The following LIPE variants were observed in gnomAD, a reference collection of about 807,000 sequenced individuals.
The protein encoded by LIPE is lipase E, hormone sensitive type.
In LIPE, 66 loss-of-function variants were observed where a neutral mutation model predicts 88.5. That is an observed-to-expected ratio of 0.75 (90% CI 0.61 to 0.91). LIPE has a LOEUF of 0.91. Ranked by LOEUF, LIPE falls within the 40% of genes least tolerant of loss-of-function variation. The pLI, the probability that LIPE is intolerant of heterozygous loss-of-function variation, is 0.00. For synonymous variants in LIPE, 570 were observed against 617.5 expected (o/e 0.92, Z 1.14); for missense variants, 1,346 against 1,434.7 (o/e 0.94, Z 1.00).
At chr19:42,418,045 C>G (rs988530090) in intron 1 of LIPE, among the ~76,000 whole-genome samples, 2 of 150,946 alleles carry the variant, frequency 1.3e-5, no homozygotes, top group Non-Finnish European at 1.5e-5. Flanking sequence ...TGCAATGGTG[C>G]GATCTCAGCT....
At position 42,412,199 on chromosome 19, in the gene LIPE, G is replaced by A. The variant is rs949739458; in HGVS notation, c.884-1357C>T. On this transcript the variant is annotated intron_variant, in intron 1 of 9. Transcript: ENST00000244289. ...GTTTCTTGGATGCCCTGTCACCCAG[G>A]TCCTGAACAAGCTGCCCTTGGTGGA... 25 of 884,956 alleles carry A rather than the reference G, an allele frequency of 2.8e-5. No homozygotes were observed. In the African/African-American group the frequency reaches 4.0e-4, roughly 14 times the overall value. 54.8% of individuals were successfully genotyped at this position (884,956 alleles called of 1,614,324 possible).
At chr19:42,421,263 G>C (rs553276271) in intron 1 of LIPE, among the ~76,000 whole-genome samples, 3 of 152,140 alleles carry the variant, frequency 2.0e-5, no homozygotes, top group East Asian at 3.9e-4. Context: ...CCCTGGCTGA[G>C]CTCCCTCTGC....
chr19:42,419,179 G>A (rs1311638761), intron 1 of LIPE, among the ~76,000 whole-genome samples: 2 of 152,236 alleles, frequency 1.3e-5, no homozygotes, highest in Non-Finnish European at 2.9e-5. Context: ...TCGGGAGGCT[G>A]AGGCAGGAGA....
rs2040211254 is a variant in LIPE, at chr19:42,407,147, A to C, written c.2137+27T>G. The stretch of plus-strand genomic sequence containing the variant: ...AGCTGGGTGGGATGGGAGCAGGCGC[A>C]GGTGGCTGTGGGGGCCTGAGGCTCA... On this transcript the variant is annotated intron_variant, in intron 6 of 9. Transcript: ENST00000244289. This position sits in a 1 kb window ranked among gnomAD's most constrained non-coding sequence, Gnocchi z 5.8. 2 of 1,470,694 alleles carry C rather than the reference A, an allele frequency of 1.4e-6. No homozygotes were observed. The highest frequency in any genetic ancestry group is 2.8e-5 in the African/African-American group (2 of 70,940). 91.1% of individuals were successfully genotyped at this position (1,470,694 alleles called of 1,614,324 possible). A position where few individuals can be genotyped will look rare whatever the true frequency, so the allele number is the denominator to read the frequency against.
chr19:42,407,316 G>C lies in LIPE; in HGVS notation c.1995C>G (p.Pro665=), dbSNP rs2040217568. ...FVAQTSRSHE[P]YLKSWAQELG... ...GCTCCTGGGCCCAGCTCTTGAGGTA[G>C]GGCTCGTGGGATCTGGAGGTCTGGG... Residue 665 remains proline, a synonymous_variant, in exon 6 of 10, where the codon CCC becomes CCG. Transcript: ENST00000244289. The surrounding 1 kb of genome is among the most constrained non-coding windows in gnomAD (Gnocchi z 5.8). The C allele has an allele frequency of 1.2e-6, 2 of 1,611,934 alleles. No individual in the cohort carries two copies.
In LIPE at chr19:42,410,519, A is replaced by G. The variant is rs774367599; in HGVS notation, c.1207T>C (p.Phe403Leu). Residue 403 changes from phenylalanine (F) to leucine (L), a missense_variant, in exon 2 of 10, where the codon TTC becomes CTC. Physicochemically the swap from Phe to Leu is conservative, Grantham distance 22 (BLOSUM62 0). Coordinates refer to ENST00000244289, the MANE Select transcript of LIPE (RefSeq NM_005357.4). The surrounding 1 kb of genome is among the most constrained non-coding windows in gnomAD (Gnocchi z 6.1). Reference sequence around the variant, plus strand: ...TCGGCCAGGTTGTGGCTGGTGCGGAAGAAGATGCTGCGGCGGTTGGAGGCC... The same window carrying G: ...TCGGCCAGGTTGTGGCTGGTGCGGAGGAAGATGCTGCGGCGGTTGGAGGCC... ...YVASNRRSIF[F>L]RTSHNLAELE... is the part of the protein sequence containing the mutation. The G allele has an allele frequency of 3.5e-5, 57 of 1,612,996 alleles. No individual in the cohort carries two copies. The highest frequency in any genetic ancestry group is 4.6e-5 in the Non-Finnish European group (54 of 1,179,966).
chr19:42,402,117 C>T, intron 9 of LIPE, 42 bp from the exon 10 acceptor site: 5 of 1,426,964 alleles, frequency 3.5e-6, no homozygotes, highest in Non-Finnish European at 4.6e-6. Context: ...GGGTGGGGGA[C>T]AGACAGACCG....
At chr19:42,411,199 G>T in intron 1 of LIPE, 2 of 583,214 alleles carry the variant, frequency 3.4e-6, no homozygotes, top group Non-Finnish European at 4.3e-6. Flanking sequence ...TCAGAAACTT[G>T]CTGCCCTGGC....
chr19:42,402,250 G>A (rs1176674763), intron 9 of LIPE, among the ~76,000 whole-genome samples, 175 bp from the exon 10 acceptor site: 1 of 151,964 alleles, frequency 6.6e-6, no homozygotes, highest in Non-Finnish European at 1.5e-5. Flanking sequence ...GAGGGAATGG[G>A]GGGAGTTGTG....
chr19:42,426,175 A>C (rs1363646222), intron 1 of LIPE, 92 bp downstream of exon 1: 2 of 1,147,186 alleles, frequency 1.7e-6, no homozygotes, highest in African/African-American at 3.2e-5. Flanking sequence ...GGATGACCAG[A>C]GCTAACCTGA....
chr19:42,401,847 C>CG lies in LIPE; in HGVS notation c.3195_3196insC (p.Ala1066ArgfsTer25). On this transcript the variant is annotated frameshift_variant, in exon 10 of 10. Coordinates refer to ENST00000244289, the MANE Select transcript of LIPE (RefSeq NM_005357.4). LOFTEE classifies it high-confidence loss of function. ...CCCCCGCAGCCCCCGTCTACCCCCG[C>CG]AGCCCCCGTCTCCCCGCTCGGCCCG... The CG allele has an allele frequency of 6.6e-7, 1 of 1,517,952 alleles. No individual in the cohort carries two copies. The highest frequency in any genetic ancestry group is 8.8e-7 in the Non-Finnish European group (1 of 1,136,708). The allele number at this position is 1,517,952 out of a possible 1,614,324, so 94.0% of individuals were successfully genotyped here. A position where few individuals can be genotyped will look rare whatever the true frequency, so the allele number is the denominator to read the frequency against.
intron 1 of LIPE, among the ~76,000 whole-genome samples, chr19:42,421,814 C>T (rs1467818265): frequency 1.3e-5 from 2 of 152,202 alleles, no homozygotes; most frequent in African/African-American, 2.4e-5. Context: ...CCAGCCAGCC[C>T]AGATGCCCTT....
rs966404729 is a variant in LIPE at position 42,424,518 on chromosome 19, C to T, written c.883+1749G>A. Reference sequence around the variant, plus strand: ...TATCCTCAGCACTGGGGAGAGCAGGCCTCAATCCCTGCCTTTGCCTGCCGC... The same window carrying T: ...TATCCTCAGCACTGGGGAGAGCAGGTCTCAATCCCTGCCTTTGCCTGCCGC... On this transcript the variant is annotated intron_variant, in intron 1 of 9. Coordinates refer to ENST00000244289, the MANE Select transcript of LIPE (RefSeq NM_005357.4). 1.1e-5 allele frequency: 5 copies of T among 456,340 alleles called. No individual in the cohort carries two copies. In the Middle Eastern group the frequency reaches 1.6e-3, roughly 148 times the overall value. The allele number at this position is 456,340 out of a possible 1,614,324, so 28.3% of individuals were successfully genotyped here.
At chr19:42,417,686 T>G (rs1481345943) in intron 1 of LIPE, among the ~76,000 whole-genome samples, 1 of 152,116 alleles carries the variant, frequency 6.6e-6, no homozygotes, top group African/African-American at 2.4e-5. Context: ...TGCCCAGCTC[T>G]AAGTCTTATT....
intron 1 of LIPE, among the ~76,000 whole-genome samples, chr19:42,425,379 A>T (rs1277652926): frequency 6.6e-6 from 1 of 151,236 alleles, no homozygotes; most frequent in Non-Finnish European, 1.5e-5. Context: ...ATTTTCCCCA[A>T]ATCCTCTATA....
intron 1 of LIPE, chr19:42,423,546 G>A: frequency 8.0e-7 from 1 of 1,246,316 alleles, no homozygotes; most frequent in Non-Finnish European, 1.0e-6. Context: ...TCAATTCCCC[G>A]CGGTCCTCCC....
Position 42,406,479 on chromosome 19 carries a change from G to A in LIPE, c.2138-91C>T. The A allele has an allele frequency of 8.9e-7, 1 of 1,119,498 alleles. No homozygotes were observed. Among genetic ancestry groups the A allele is most frequent in the Middle Eastern group, 2.0e-4 (1 of 4,934 alleles). The allele number at this position is 1,119,498 out of a possible 1,614,324, so 69.3% of individuals were successfully genotyped here. On this transcript the variant is annotated intron_variant, in intron 6 of 9. Transcript: ENST00000244289. The surrounding 1 kb of genome is among the most constrained non-coding windows in gnomAD (Gnocchi z 5.7). Reference sequence around the variant, plus strand: ...GAGGAACTCAAGCTGGGAGAACTGGGCTCTCCAAGGTGGGGTGTGGGGCAC... The same window carrying A: ...GAGGAACTCAAGCTGGGAGAACTGGACTCTCCAAGGTGGGGTGTGGGGCAC...
chr19:42,406,096 G>A lies in LIPE; in HGVS notation c.2365+65C>T. The A allele has an allele frequency of 2.8e-6, 4 of 1,415,550 alleles. No homozygotes were observed. Among genetic ancestry groups the A allele is most frequent in the Non-Finnish European group, 3.9e-6 (4 of 1,024,152 alleles). The allele number at this position is 1,415,550 out of a possible 1,614,324, so 87.7% of individuals were successfully genotyped here. ...TCAGTCACAGGAGTCCTGGTCCCCAGCCCGTCCCTGCAGGAGTCAGACATC... is the reference window on the plus strand; with the variant it reads ...TCAGTCACAGGAGTCCTGGTCCCCAACCCGTCCCTGCAGGAGTCAGACATC... On this transcript the variant is annotated intron_variant, in intron 7 of 9. Transcript: ENST00000244289. The surrounding 1 kb of genome is among the most constrained non-coding windows in gnomAD (Gnocchi z 5.7).
intron 2 of LIPE, among the ~76,000 whole-genome samples, chr19:42,409,834 C>CTGGGCTGGGTTGCTGAGGA (rs2040316138): frequency 1.3e-5 from 2 of 152,030 alleles, no homozygotes; most frequent in African/African-American, 4.8e-5. Flanking sequence ...CCAGGAATGC[C>CTGGGCTGGGTTGCTGAGGA]TGGGCTGGGT....
Sources: allele counts gnomAD v4.1 joint callset (sites outside exome capture counted in the v4.1 genomes callset), GRCh38; gene constraint gnomAD v4.1.1; non-coding constraint Gnocchi (gnomAD v3.1); transcripts MANE v1.5; gene names NCBI Gene and HGNC (gene_info 2026-07-23, HGNC 2026-07-21).